Variants in NUB1 observed in about 807,000 individuals in gnomAD.
NUB1 encodes the protein NEDD8 ultimate buster 1.
In NUB1, 41 loss-of-function variants were observed where a neutral mutation model predicts 77.1. That is an observed-to-expected ratio of 0.53 (90% CI 0.41 to 0.69). The LOEUF is 0.69. Ranked by LOEUF, NUB1 falls within the 30% of genes least tolerant of loss-of-function variation. The pLI is 0.00. For missense variants in NUB1, 643 were observed against 743.8 expected, an observed-to-expected ratio of 0.86 and a Z score of 1.58; for synonymous variants, 257 against 281.0, an observed-to-expected ratio of 0.91 and a Z score of 0.85.
intron 1 of NUB1, among the ~76,000 whole-genome samples, chr7:151,344,757 T>C (rs1796400643): frequency 6.6e-6 from 1 of 152,142 alleles, no homozygotes; most frequent in Non-Finnish European, 1.5e-5. Context: ...ATCCCAGCGT[T>C]TTGAGACCAA....
intron 2 of NUB1, among the ~76,000 whole-genome samples, chr7:151,346,129 G>A (rs553545340): frequency 6.6e-6 from 1 of 152,276 alleles, no homozygotes; most frequent in South Asian, 2.1e-4. Flanking sequence ...CAGGGACTAA[G>A]GATTGTCATG....
At chr7:151,369,131 C>CTGAG (rs1389062347) in intron 11 of NUB1, 3 of 309,320 alleles carry the variant, frequency 9.7e-6, no homozygotes, top group Non-Finnish European at 1.8e-5. Context: ...CCTCAGCCTC[C>CTGAG]TGAGTAGCTG....
Position 151,360,236 on chromosome 7 carries a change from C to T in NUB1, c.789C>T (p.Asp263=). 6 of 1,595,834 alleles carry T rather than the reference C, an allele frequency of 3.8e-6. No homozygotes were observed. Among genetic ancestry groups the T allele is most frequent in the Non-Finnish European group, 5.2e-6 (6 of 1,163,566 alleles). Residue 263 remains aspartate (D), a synonymous_variant, in exon 8 of 15, where the codon GAC becomes GAT. Coordinates refer to ENST00000568733, the MANE Select transcript of NUB1 (RefSeq NM_001243351.2). ...CCTTGCCATGTCTGTTGGACGCTGA[C>T]AAATATTTCTGGTAGGCGCTTTTGT... is the stretch of plus-strand genomic sequence containing the variant. ...GIALPCLLDA[D]KYFCECCREL...
chr7:151,376,610 T>G (rs1289454597), intron 13 of NUB1, 24 bp from the exon 14 acceptor site: 1 of 1,580,800 alleles, frequency 6.3e-7, no homozygotes, highest in Non-Finnish European at 8.6e-7. Context: ...GGGCTGATGC[T>G]GTGACCCCTG....
intron 8 of NUB1, among the ~76,000 whole-genome samples, chr7:151,366,551 C>T (rs948690078): frequency 2.0e-4 from 31 of 151,884 alleles, no homozygotes; most frequent in Non-Finnish European, 4.4e-4. Context: ...AAGAACGTTG[C>T]TCTGGCCCAG....
chr7:151,355,382 A>G (rs1229178918), intron 5 of NUB1, among the ~76,000 whole-genome samples: 1 of 152,216 alleles, frequency 6.6e-6, no homozygotes, highest in Non-Finnish European at 1.5e-5. Flanking sequence ...CAGGATTAAG[A>G]ATTCCATTTT....
chr7:151,375,805 A>C, intron 12 of NUB1, 43 bp from the exon 13 acceptor site: 35 of 1,302,196 alleles, frequency 2.7e-5, no homozygotes, highest in Non-Finnish European at 3.7e-5. Context: ...GAATGTGTGA[A>C]GAGTTCTTAG....
intron 8 of NUB1, 154 bp downstream of exon 8, chr7:151,360,401 T>G (rs1477106708): frequency 4.2e-6 from 2 of 476,128 alleles, no homozygotes; most frequent in African/African-American, 1.9e-5. Context: ...AATTTCTTCT[T>G]CCCTTTGTAT....
At position 151,364,454 on chromosome 7, in the gene NUB1, C is replaced by A. The variant is rs557219886; in HGVS notation, c.801-2485C>A. On this transcript the variant is annotated intron_variant, in intron 8 of 14. Transcript: ENST00000568733. Reference sequence around the variant, plus strand: ...AAACAAAAAAAAACAAAAAAAAAAACAAAAAAACTGTAAGACAAACATAAT... The same window carrying A: ...AAACAAAAAAAAACAAAAAAAAAAAAAAAAAAACTGTAAGACAAACATAAT... 7.3e-3 allele frequency among the ~76,000 whole-genome samples: 1,047 copies of A among 142,542 alleles called. 6 individuals are homozygous for A. Among genetic ancestry groups the A allele is most frequent in the Non-Finnish European group, 0.012 (792 of 66,500 alleles). 93.5% of individuals were successfully genotyped at this position (142,542 alleles called of 152,430 possible). A position where few individuals can be genotyped will look rare whatever the true frequency, so the allele number is the denominator to read the frequency against.
At position 151,377,077 on chromosome 7, in the gene NUB1, T is replaced by C. The variant is rs1433534748; in HGVS notation, c.1700T>C (p.Met567Thr). 1.6e-5 allele frequency: 25 copies of C among 1,573,284 alleles called. No homozygotes were observed. The highest frequency in any genetic ancestry group is 2.0e-5 in the Non-Finnish European group (23 of 1,161,020). Residue 567 changes from methionine (M) to threonine (T), a missense_variant, in exon 15 of 15, where the codon ATG (methionine) becomes ACG (threonine). Transcript: ENST00000568733. The part of the protein sequence containing the change: ...GTSSASTDED[M>T]ETEAVNEILE... ...TCTAGTGCCTCAACAGACGAAGACA[T>C]GGAGACAGAGGCCGTCAATGAGATA...
At chr7:151,356,478 G>A (rs1039224396) in intron 7 of NUB1, among the ~76,000 whole-genome samples, 1 of 152,176 alleles carries the variant, frequency 6.6e-6, no homozygotes, top group Admixed American at 6.5e-5. Context: ...CTGAGGACAC[G>A]ACCCACTGCC....
chr7:151,344,922 C>T (rs1291221036), intron 1 of NUB1, among the ~76,000 whole-genome samples: 4 of 152,110 alleles, frequency 2.6e-5, no homozygotes, highest in Non-Finnish European at 5.9e-5. Context: ...ATTGCTTGAA[C>T]CCAGGGGGCG....
At chr7:151,353,024 A>T in intron 5 of NUB1, 142 bp downstream of exon 5, 1 of 576,786 alleles carries the variant, frequency 1.7e-6, no homozygotes, top group Non-Finnish European at 3.0e-6. Context: ...TTACTAAAAT[A>T]AAAATGTAAA....
In NUB1 at chr7:151,374,097, G is replaced by T; in HGVS notation, c.1249G>T (p.Glu417Ter). The change falls in exon 12 of 15, where the codon GAA (glutamate) becomes TAA (stop). Residue 417 changes from glutamate (E) to a stop codon, truncating the protein, a stop_gained and splice_region_variant. Coordinates refer to ENST00000568733, the MANE Select transcript of NUB1 (RefSeq NM_001243351.2). LOFTEE classifies it high-confidence loss of function. Reference sequence around the variant, plus strand: ...ATGGGACTTTGCTGTTTTCCTAAAGGAACTGGCCCAAATAAGGAAGGAGGA... The same window carrying T: ...ATGGGACTTTGCTGTTTTCCTAAAGTAACTGGCCCAAATAAGGAAGGAGGA... ...AATHITNRRE[E>*]LAQIRKEEKE... is the part of the protein sequence containing the mutation. 6.4e-7 allele frequency: 1 copy of T among 1,555,806 alleles called. No homozygotes were observed. Among genetic ancestry groups the T allele is most frequent in the Non-Finnish European group, 8.7e-7 (1 of 1,149,706 alleles).
chr7:151,376,988 G>A (rs1387321285), intron 14 of NUB1, 59 bp from the exon 15 acceptor site: 13 of 1,450,842 alleles, frequency 9.0e-6, no homozygotes, highest in African/African-American at 2.9e-5. Context: ...CTGTGGTCGT[G>A]CAGTGTCCCC....
Position 151,377,367 on chromosome 7 carries a change from C to T in NUB1, c.*142C>T, listed in dbSNP as rs1419871831. On this transcript the variant is annotated 3_prime_UTR_variant, in exon 15 of 15. Transcript: ENST00000568733. ...GGAGGGGGTGGGCAGGGGACAAGTC[C>T]AGGAGGGGTCCCAGGGCCTTCATGC... is the stretch of plus-strand genomic sequence containing the variant. The T allele has an allele frequency of 1.7e-6, 1 of 584,026 alleles. No individual in the cohort carries two copies. Among genetic ancestry groups the T allele is most frequent in the Non-Finnish European group, 2.9e-6 (1 of 349,616 alleles). The allele number at this position is 584,026 out of a possible 1,614,324, so 36.2% of individuals were successfully genotyped here. A position where few individuals can be genotyped will look rare whatever the true frequency, so the allele number is the denominator to read the frequency against.
Position 151,378,202 on chromosome 7 carries a change from T to A in NUB1, c.*977T>A, listed in dbSNP as rs1354287448. On this transcript the variant is annotated 3_prime_UTR_variant, in exon 15 of 15. Transcript: ENST00000568733. ...TCTGTAGATGTGTGCCCAGTGGGAG[T>A]TCCTTCCAGCCCCAGGACCACAGCA... 1 of 152,048 alleles carries A rather than the reference T, an allele frequency of 6.6e-6. No homozygotes were observed. The highest frequency in any genetic ancestry group is 2.4e-5 in the African/African-American group (1 of 41,354). The allele number at this position is 152,048 out of a possible 1,614,324, so 9.4% of individuals were successfully genotyped here.
intron 11 of NUB1, among the ~76,000 whole-genome samples, chr7:151,373,687 G>A (rs957447312): frequency 1.4e-4 from 22 of 152,194 alleles, no homozygotes; most frequent in African/African-American, 5.3e-4. Context: ...TCGAAGGCTG[G>A]AAGGCCTTCC....
Position 151,341,824 on chromosome 7 carries a change from G to A in NUB1, c.-25G>A. The stretch of plus-strand genomic sequence containing the variant: ...GCCGCATCCGGGCACTCTGCTGGTC[G>A]CGGCGGGAGTGGCGTGGCGCAGGTG... On this transcript the variant is annotated 5_prime_UTR_variant, in exon 1 of 15. Transcript: ENST00000568733. The A allele has an allele frequency of 6.6e-7, 1 of 1,507,534 alleles. No homozygotes were observed. The highest frequency in any genetic ancestry group is 8.8e-7 in the Non-Finnish European group (1 of 1,137,214). 93.4% of individuals were successfully genotyped at this position (1,507,534 alleles called of 1,614,324 possible).
Sources: gnomAD v4.1 joint callset for allele counts (sites outside exome capture counted in the v4.1 genomes callset) on GRCh38, gnomAD v4.1.1 for gene constraint, MANE v1.5 for transcripts, NCBI Gene and HGNC (gene_info 2026-07-23, HGNC 2026-07-21) for gene names.